Variants in MAPKAP1 observed in about 807,000 individuals in gnomAD.
MAPKAP1 encodes target of rapamycin complex 2 subunit MAPKAP1.
A neutral mutation model predicts 65.7 loss-of-function variants in MAPKAP1; 20 were observed. That is an observed-to-expected ratio of 0.30 (90% CI 0.21 to 0.44). MAPKAP1 has a LOEUF of 0.44. MAPKAP1 is among the 20% of genes least tolerant of loss of function. The pLI is 1.00. For synonymous variants in MAPKAP1, 222 were observed against 244.3 expected (o/e 0.91, Z 0.85); for missense variants, 423 against 648.0 (o/e 0.65, Z 3.77).
intron 10 of MAPKAP1, among the ~76,000 whole-genome samples, chr9:125,452,255 C>A (rs976856793): frequency 6.6e-6 from 1 of 152,140 alleles, no homozygotes; most frequent in Non-Finnish European, 1.5e-5. Context: ...TGCGCCACCA[C>A]GCCGAGCTAA....
intron 5 of MAPKAP1, among the ~76,000 whole-genome samples, chr9:125,576,265 C>T (rs957646785): frequency 3.9e-5 from 6 of 152,112 alleles, no homozygotes; most frequent in Non-Finnish European, 5.9e-5. Context: ...CAAGAGTGAA[C>T]CCTAATGTAT....
chr9:125,460,873 C>G (rs138375086), intron 10 of MAPKAP1, among the ~76,000 whole-genome samples: 117 of 152,246 alleles, frequency 7.7e-4, no homozygotes, highest in African/African-American at 2.4e-3. Context: ...TGTGCCTAGG[C>G]AGAATTAGAA....
intron 4 of MAPKAP1, among the ~76,000 whole-genome samples, chr9:125,644,849 C>G (rs1329784602): frequency 1.3e-5 from 2 of 152,214 alleles, no homozygotes; most frequent in Non-Finnish European, 2.9e-5. Flanking sequence ...TCTAGTTCTA[C>G]ATAACTGCAT....
intron 4 of MAPKAP1, among the ~76,000 whole-genome samples, chr9:125,618,717 T>A (rs545985776): frequency 1.3e-4 from 20 of 151,882 alleles, no homozygotes; most frequent in African/African-American, 4.6e-4. Context: ...TCAATTATGA[T>A]AAAACAACAA....
At chr9:125,606,984 G>A (rs1221011912) in intron 4 of MAPKAP1, among the ~76,000 whole-genome samples, 2 of 152,134 alleles carry the variant, frequency 1.3e-5, no homozygotes, top group Non-Finnish European at 2.9e-5. Context: ...CTACTTACTA[G>A]TTGTGTAACC....
intron 1 of MAPKAP1, among the ~76,000 whole-genome samples, chr9:125,678,693 T>C (rs1014644641): frequency 8.5e-5 from 13 of 152,238 alleles, no homozygotes; most frequent in South Asian, 4.1e-4. Context: ...CTGTATTCAT[T>C]AATGATCATG....
At chr9:125,496,778 C>T (rs1221888212) in intron 8 of MAPKAP1, among the ~76,000 whole-genome samples, 1 of 152,144 alleles carries the variant, frequency 6.6e-6, no homozygotes, top group Non-Finnish European at 1.5e-5. Flanking sequence ...ACAAAGAAAC[C>T]CCTACACTTA....
intron 8 of MAPKAP1, among the ~76,000 whole-genome samples, chr9:125,502,338 G>A (rs1387686186): frequency 1.3e-5 from 2 of 152,018 alleles, no homozygotes; most frequent in Non-Finnish European, 2.9e-5. Flanking sequence ...CTGACCTCAG[G>A]TGATCCACCG....
chr9:125,692,326 G>A (rs1431836572), intron 1 of MAPKAP1, among the ~76,000 whole-genome samples: 2 of 152,134 alleles, frequency 1.3e-5, no homozygotes, highest in East Asian at 3.8e-4. Context: ...AATATTATTT[G>A]GCAATAAAAA....
chr9:125,585,852 G>C, intron 4 of MAPKAP1, 125 bp from the exon 5 acceptor site: 5 of 854,834 alleles, frequency 5.8e-6, no homozygotes, highest in Non-Finnish European at 8.9e-6. Context: ...TGTGACCATG[G>C]AATGGTCCCA....
chr9:125,663,661 T>C lies in MAPKAP1; in HGVS notation c.350-5862A>G, dbSNP rs77528561. On this transcript the variant is annotated intron_variant, in intron 3 of 11. Coordinates refer to ENST00000265960, the MANE Select transcript of MAPKAP1 (RefSeq NM_001006617.3). ...AATGAATAAGTCTGGACCAGAGAAG[T>C]AGAAAAAGTTGCTGGGGTAGGGTAT... Among the ~76,000 whole-genome samples, 679 of 152,140 alleles carry C rather than the reference T, an allele frequency of 4.5e-3. 4 individuals are homozygous for C. Among genetic ancestry groups the C allele is most frequent in the African/African-American group, 9.0e-3 (374 of 41,478 alleles).
intron 4 of MAPKAP1, among the ~76,000 whole-genome samples, chr9:125,631,555 T>TA (rs761407244): frequency 5.9e-5 from 9 of 152,218 alleles, no homozygotes; most frequent in Non-Finnish European, 1.2e-4. Flanking sequence ...GTACAGAACT[T>TA]ACTATACCTC....
intron 7 of MAPKAP1, among the ~76,000 whole-genome samples, chr9:125,524,118 T>C (rs1375306900): frequency 6.6e-6 from 1 of 152,196 alleles, no homozygotes; most frequent in African/African-American, 2.4e-5. Context: ...TAGATTTAGG[T>C]TGCCCTAAAT....
At chr9:125,455,747 T>C (rs1853139881) in intron 10 of MAPKAP1, among the ~76,000 whole-genome samples, 1 of 152,278 alleles carries the variant, frequency 6.6e-6, no homozygotes, top group Non-Finnish European at 1.5e-5. Context: ...GGGCTGGATT[T>C]GGCCTGTGGG....
At chr9:125,620,126 T>A (rs1832854072) in intron 4 of MAPKAP1, among the ~76,000 whole-genome samples, 1 of 152,202 alleles carries the variant, frequency 6.6e-6, no homozygotes. Context: ...CTGGCCAACA[T>A]GGTGAAACCT....
rs140208303 is a variant in MAPKAP1 at position 125,439,188 on chromosome 9, G to A, written c.1444-176C>T. Among the ~76,000 whole-genome samples the A allele has an allele frequency of 2.8e-3, 429 of 152,304 alleles. 1 individual carries two copies. Among genetic ancestry groups the A allele is most frequent in the African/African-American group, 8.8e-3 (366 of 41,576 alleles). On this transcript the variant is annotated intron_variant, in intron 11 of 11. Coordinates refer to ENST00000265960, the MANE Select transcript of MAPKAP1 (RefSeq NM_001006617.3). The surrounding 1 kb of genome is among the most constrained non-coding windows in gnomAD (Gnocchi z 4.0). ...CCTGGCAGCGGCTGGGCCCAGAGCC[G>A]CTGCTCTACGATGGGAAAACAGAGG...
intron 4 of MAPKAP1, among the ~76,000 whole-genome samples, chr9:125,630,698 A>G (rs1053820826): frequency 3.9e-5 from 6 of 152,162 alleles, no homozygotes; most frequent in African/African-American, 1.2e-4. Flanking sequence ...TGTCCTCTTC[A>G]AACCTTATGT....
intron 7 of MAPKAP1, among the ~76,000 whole-genome samples, chr9:125,518,414 C>T (rs1829526617): frequency 6.6e-6 from 1 of 151,080 alleles, no homozygotes; most frequent in East Asian, 2.0e-4. Context: ...TCCCACATTA[C>T]ATCTGTAATC....
chr9:125,631,240 G>A (rs973931393), intron 4 of MAPKAP1, among the ~76,000 whole-genome samples: 15 of 152,082 alleles, frequency 9.9e-5, no homozygotes, highest in African/African-American at 3.4e-4. Flanking sequence ...GCCCAATCTC[G>A]AACTTTCCAG....
Sources: allele counts gnomAD v4.1 joint callset (sites outside exome capture counted in the v4.1 genomes callset), GRCh38; gene constraint gnomAD v4.1.1; non-coding constraint Gnocchi (gnomAD v3.1); transcripts MANE v1.5; gene names NCBI Gene and HGNC (gene_info 2026-07-23, HGNC 2026-07-21).